The following MPP3 variants were observed in gnomAD, a reference collection of about 807,000 sequenced individuals.
The protein encoded by MPP3 is MAGUK p55 scaffold protein 3, also known as MAGUK p55 subfamily member 3.
A neutral mutation model predicts 80.7 loss-of-function variants in MPP3; 48 were observed. That is an observed-to-expected ratio of 0.59 (90% CI 0.47 to 0.76). The LOEUF is 0.76. Among genes scored for constraint, MPP3 ranks in the 30% least tolerant of loss-of-function variants. The pLI is 0.00. For missense variants in MPP3, 620 were observed against 763.0 expected, an observed-to-expected ratio of 0.81 and a Z score of 2.21; for synonymous variants, 311 against 297.6, an observed-to-expected ratio of 1.04 and a Z score of -0.46.
rs559848952 is a variant in MPP3 at position 43,804,814 on chromosome 17, G to A, written c.1582-2937C>T. On this transcript the variant is annotated intron_variant, in intron 19 of 19. Transcript: ENST00000398389. ...GGTGGATCACCCAGGTCAGGAGTTC[G>A]AGACCAGCCTGGCCAACGTGGTAAA... Among the ~76,000 whole-genome samples the A allele has an allele frequency of 2.0e-3, 300 of 152,270 alleles. 1 individual carries two copies. The highest frequency in any genetic ancestry group is 3.4e-3 in the Non-Finnish European group (231 of 68,020).
intron 7 of MPP3, among the ~76,000 whole-genome samples, chr17:43,828,776 C>T (rs890067463): frequency 4.6e-5 from 7 of 152,198 alleles, no homozygotes; most frequent in African/African-American, 9.7e-5. Flanking sequence ...TCTAGCCCCC[C>T]AGAACTGAGA....
intron 8 of MPP3, 135 bp from the exon 9 acceptor site, chr17:43,825,976 G>T: frequency 1.6e-6 from 1 of 635,008 alleles, no homozygotes; most frequent in African/African-American, 1.8e-5. Context: ...TGATGGGTGG[G>T]ACTGGGGCGA....
intron 19 of MPP3, among the ~76,000 whole-genome samples, chr17:43,802,849 A>G (rs1006369434): frequency 4.6e-5 from 7 of 152,150 alleles, no homozygotes; most frequent in Non-Finnish European, 1.0e-4. Context: ...AAAGAGACCT[A>G]CATTCCAAAT....
intron 19 of MPP3, among the ~76,000 whole-genome samples, chr17:43,803,369 G>A (rs145407354): frequency 2.0e-4 from 30 of 152,304 alleles, no homozygotes; most frequent in African/African-American, 5.8e-4. Flanking sequence ...GAGTAAAAAC[G>A]TGTGACATTT....
intron 7 of MPP3, among the ~76,000 whole-genome samples, chr17:43,829,265 G>A (rs922664924): frequency 3.9e-5 from 6 of 152,164 alleles, no homozygotes; most frequent in Admixed American, 6.5e-5. Context: ...CTCTGCCATC[G>A]CACTATAAAG....
At chr17:43,804,388 C>T (rs2044531068) in intron 19 of MPP3, among the ~76,000 whole-genome samples, 1 of 152,102 alleles carries the variant, frequency 6.6e-6, no homozygotes, top group South Asian at 2.1e-4. Flanking sequence ...GAAAGAAACC[C>T]TTACTTTTCT....
chr17:43,824,794 G>A (rs1490698466), intron 9 of MPP3, among the ~76,000 whole-genome samples: 1 of 152,060 alleles, frequency 6.6e-6, no homozygotes, highest in Non-Finnish European at 1.5e-5. Flanking sequence ...TGTTTTTTGA[G>A]ATGGAGTTTT....
chr17:43,818,371 G>C (rs1014003007), intron 11 of MPP3, among the ~76,000 whole-genome samples: 3 of 152,180 alleles, frequency 2.0e-5, no homozygotes, highest in African/African-American at 7.2e-5. Context: ...ACAGGATCCA[G>C]CCCGGTGTAC....
At chr17:43,821,146 C>T in intron 10 of MPP3, 88 bp from the exon 11 acceptor site, 1 of 1,304,930 alleles carries the variant, frequency 7.7e-7, no homozygotes, top group South Asian at 1.3e-5. Context: ...TGACAACGAC[C>T]ATCCACACTT....
intron 8 of MPP3, among the ~76,000 whole-genome samples, chr17:43,827,484 G>A (rs1281541579): frequency 2.6e-5 from 4 of 151,730 alleles, no homozygotes; most frequent in African/African-American, 9.7e-5. Context: ...GGAACTCCTG[G>A]CTTCAAGTGA....
At position 43,809,034 on chromosome 17, in the gene MPP3, T is replaced by C. The variant is rs775231105; in HGVS notation, c.1503A>G (p.Ile501Met). 6.2e-7 allele frequency: 1 copy of C among 1,604,332 alleles called. No individual in the cohort carries two copies. ...TTTCCTGAATTGCAGGCTTTACAAA[T>C]ATAATATAGGGTTTAAATTCTGAGG... Reference protein sequence around the residue: ...LRTSEFKPYIIFVKPAIQEKR... With the variant: ...LRTSEFKPYIMFVKPAIQEKR... The change falls in exon 19 of 20, where the codon ATA (isoleucine) becomes ATG (methionine). Residue 501 changes from isoleucine (I) to methionine (M), a missense_variant. Ile to Met is a conservative substitution (Grantham distance 10). Coordinates refer to ENST00000398389, the MANE Select transcript of MPP3 (RefSeq NM_001932.6).
chr17:43,825,850 C>CA lies in MPP3; in HGVS notation c.524-10dup, dbSNP rs771641934. On this transcript the variant is annotated splice_polypyrimidine_tract_variant and intron_variant, in intron 8 of 19. Transcript: ENST00000398389. ...TCCAACGTGGACCAGGCCTAGGAGA[C>CA]ACAGGGACTGACCATCAGCACAGGA... The CA allele has an allele frequency of 6.4e-7, 1 of 1,573,534 alleles. No homozygotes were observed. Among genetic ancestry groups the CA allele is most frequent in the South Asian group, 1.1e-5 (1 of 90,176 alleles).
intron 14 of MPP3, chr17:43,814,648 G>T: frequency 3.2e-6 from 1 of 311,448 alleles, no homozygotes; most frequent in Non-Finnish European, 5.9e-6. Flanking sequence ...CCTTACCTGT[G>T]AAATGAAGAT....
chr17:43,824,582 G>A (rs145235199), intron 9 of MPP3, among the ~76,000 whole-genome samples: 1 of 152,206 alleles, frequency 6.6e-6, no homozygotes, highest in East Asian at 1.9e-4. Flanking sequence ...AACAAAGGAA[G>A]AATGCAGTCG....
chr17:43,801,682 T>A lies in MPP3; in HGVS notation c.*19A>T. On this transcript the variant is annotated 3_prime_UTR_variant, in exon 20 of 20. Coordinates refer to ENST00000398389, the MANE Select transcript of MPP3 (RefSeq NM_001932.6). Reference sequence around the variant, plus strand: ...ATGATCTTCAAGGTCCCGTCCAGCTTGGATGTTCTGGGATAAAGTTACCTG... The same window carrying A: ...ATGATCTTCAAGGTCCCGTCCAGCTAGGATGTTCTGGGATAAAGTTACCTG... 3.7e-6 allele frequency: 6 copies of A among 1,613,264 alleles called. No individual in the cohort carries two copies. The highest frequency in any genetic ancestry group is 4.2e-6 in the Non-Finnish European group (5 of 1,179,348).
chr17:43,813,113 C>A (rs2044945859), intron 16 of MPP3, among the ~76,000 whole-genome samples: 1 of 152,164 alleles, frequency 6.6e-6, no homozygotes. Flanking sequence ...CCTCTGAGGC[C>A]AGGGGGACTG....
chr17:43,809,128 T>A (rs1367464619), intron 18 of MPP3, 50 bp from the exon 19 acceptor site: 3 of 1,530,462 alleles, frequency 2.0e-6, no homozygotes, highest in African/African-American at 2.8e-5. Flanking sequence ...TGTTTTGTTG[T>A]GAAATAGACT....
intron 11 of MPP3, 45 bp downstream of exon 11, chr17:43,820,817 T>C (rs1157278696): frequency 1.3e-6 from 2 of 1,590,032 alleles, no homozygotes; most frequent in Non-Finnish European, 1.7e-6. Flanking sequence ...TACCTGTGCC[T>C]CTGCCACTCT....
chr17:43,829,734 G>C lies in MPP3; in HGVS notation c.361C>G (p.Pro121Ala). Residue 121 changes from proline to alanine, a missense_variant, in exon 7 of 20, where the codon CCT (proline) becomes GCT (alanine). By Grantham distance (27) the Pro-to-Ala change is conservative. Coordinates refer to ENST00000398389, the MANE Select transcript of MPP3 (RefSeq NM_001932.6). ...TCCTCATCGATATTGTCAGGCAGAG[G>C]CGGGAGAACGGGGTCAAAATTCTTC... ...AQKNFDPVLP[P>A]LPDNIDEDFD... 2 of 1,614,124 alleles carry C rather than the reference G, an allele frequency of 1.2e-6. No homozygotes were observed. The highest frequency in any genetic ancestry group is 1.7e-6 in the Non-Finnish European group (2 of 1,180,024).
Sources: gnomAD v4.1 joint callset for allele counts (sites outside exome capture counted in the v4.1 genomes callset) on GRCh38, gnomAD v4.1.1 for gene constraint, MANE v1.5 for transcripts, NCBI Gene and HGNC (gene_info 2026-07-23, HGNC 2026-07-21) for gene names.